PRR16: variants seen among roughly 807,000 people sequenced by gnomAD.
PRR16 encodes the protein protein Largen.
A neutral mutation model predicts 18.2 loss-of-function variants in PRR16; 6 were observed. The observed-to-expected ratio is 0.33, with a 90% CI of 0.18 to 0.65. PRR16 has a LOEUF of 0.65. PRR16 is among the 30% of genes least tolerant of loss of function. The pLI is 0.74. For missense variants in PRR16, 412 were observed against 376.6 expected (o/e 1.09, Z -0.78); for synonymous variants, 151 against 147.8 (o/e 1.02, Z -0.16).
At chr5:120,585,439 G>T (rs970811772) in intron 1 of PRR16, among the ~76,000 whole-genome samples, 7 of 151,742 alleles carry the variant, frequency 4.6e-5, no homozygotes, top group Admixed American at 6.6e-5. Context: ...GTGAAACCCC[G>T]CTTCTACTAA....
chr5:120,693,076 C>A, the PRR16 span, among the ~76,000 whole-genome samples: 1 of 152,088 alleles, frequency 6.6e-6, no homozygotes, highest in Non-Finnish European at 1.5e-5. Flanking sequence ...AATATCATGA[C>A]TTACTACAGA....
intron 1 of PRR16, among the ~76,000 whole-genome samples, chr5:120,562,700 C>T (rs145787132): frequency 6.6e-6 from 1 of 152,026 alleles, no homozygotes; most frequent in African/African-American, 2.4e-5. Flanking sequence ...TCTTATAACT[C>T]ATTATTTTAA....
intron 1 of PRR16, among the ~76,000 whole-genome samples, chr5:120,491,066 G>C (rs142997924): frequency 1.3e-5 from 2 of 152,026 alleles, no homozygotes; most frequent in Non-Finnish European, 1.5e-5. Flanking sequence ...TGCCCCTACT[G>C]GGGGGTGCCT....
intron 1 of PRR16, among the ~76,000 whole-genome samples, chr5:120,593,244 C>T (rs926255316): frequency 2.8e-4 from 42 of 151,502 alleles, no homozygotes; most frequent in Non-Finnish European, 4.4e-5. Flanking sequence ...TTTGAAAAAA[C>T]TAATAAGATA....
At chr5:120,791,988 A>G in the PRR16 span, among the ~76,000 whole-genome samples, 2 of 152,158 alleles carry the variant, frequency 1.3e-5, no homozygotes, top group African/African-American at 4.8e-5. Flanking sequence ...TCAAATTGCC[A>G]GTTCCTGTGA....
intron 1 of PRR16, among the ~76,000 whole-genome samples, chr5:120,522,710 A>G (rs1751225572): frequency 6.6e-6 from 1 of 152,122 alleles, no homozygotes; most frequent in South Asian, 2.1e-4. Context: ...GATTCACACC[A>G]TTCTCCTGCC....
chr5:120,659,253 A>G (rs538010569), intron 1 of PRR16, among the ~76,000 whole-genome samples: 1 of 152,024 alleles, frequency 6.6e-6, no homozygotes, highest in Admixed American at 6.6e-5. Flanking sequence ...TGTTGGCTAG[A>G]TTTCATTGTC....
At chr5:120,707,433 C>A in the PRR16 span, among the ~76,000 whole-genome samples, 3 of 152,176 alleles carry the variant, frequency 2.0e-5, no homozygotes, top group African/African-American at 7.2e-5. Context: ...CTTCTAGATA[C>A]TTTTGGAGAA....
chr5:120,705,709 A>G, the PRR16 span, among the ~76,000 whole-genome samples: 1 of 152,152 alleles, frequency 6.6e-6, no homozygotes, highest in South Asian at 2.1e-4. Flanking sequence ...ATCACTATGT[A>G]TATTTGAATG....
chr5:120,734,720 T>G, the PRR16 span, among the ~76,000 whole-genome samples: 121 of 152,316 alleles, frequency 7.9e-4, no homozygotes, highest in African/African-American at 2.9e-3. Flanking sequence ...CTGTAGTCCT[T>G]TTATTTGTCT....
chr5:120,725,009 A>G, the PRR16 span, among the ~76,000 whole-genome samples: 9 of 152,236 alleles, frequency 5.9e-5, no homozygotes, highest in Non-Finnish European at 1.3e-4. Context: ...TCATCCTTTT[A>G]TCTTGAAAAA....
At chr5:120,794,473 G>C in the PRR16 span, among the ~76,000 whole-genome samples, 2 of 152,082 alleles carry the variant, frequency 1.3e-5, no homozygotes, top group Non-Finnish European at 2.9e-5. Flanking sequence ...ATTATTATAT[G>C]TGTTATGGTA....
intron 1 of PRR16, among the ~76,000 whole-genome samples, chr5:120,585,678 T>C (rs974496609): frequency 1.3e-5 from 2 of 151,326 alleles, no homozygotes; most frequent in Non-Finnish European, 2.9e-5. Context: ...CCCTAGATAA[T>C]GTAGCTTAAT....
intron 1 of PRR16, among the ~76,000 whole-genome samples, chr5:120,610,321 CTTAAA>C (rs1374168226): frequency 1.3e-5 from 2 of 150,196 alleles, no homozygotes; most frequent in Admixed American, 6.6e-5. Flanking sequence ...TTAAATTATA[CTTAAA>C]TTAATATAAT....
chr5:120,741,671 G>C, the PRR16 span, among the ~76,000 whole-genome samples: 1 of 151,986 alleles, frequency 6.6e-6, no homozygotes, highest in African/African-American at 2.4e-5. Flanking sequence ...GCCCGATCAC[G>C]GCTCACTGCA....
chr5:120,732,978 T>C, the PRR16 span, among the ~76,000 whole-genome samples: 288 of 152,306 alleles, frequency 1.9e-3, 3 homozygotes, highest in South Asian at 0.013. Context: ...GCTATATGTT[T>C]GTTGAGACAA....
chr5:120,653,137 G>A (rs1420619652), intron 1 of PRR16, among the ~76,000 whole-genome samples: 3 of 151,808 alleles, frequency 2.0e-5, no homozygotes, highest in African/African-American at 7.3e-5. Context: ...ACTTGGGAGA[G>A]GAAAGTGACT....
At chr5:120,743,316 T>G in the PRR16 span, among the ~76,000 whole-genome samples, 1 of 152,304 alleles carries the variant, frequency 6.6e-6, no homozygotes. Context: ...AAATTTAGTT[T>G]TGAGAAGCTT....
intron 1 of PRR16, among the ~76,000 whole-genome samples, chr5:120,589,920 G>A (rs142185054): frequency 1.3e-5 from 2 of 152,164 alleles, no homozygotes; most frequent in African/African-American, 4.8e-5. Flanking sequence ...TTTGGAATTT[G>A]CTTGCCAAGA....
Sources: allele counts gnomAD v4.1 joint callset (sites outside exome capture counted in the v4.1 genomes callset), GRCh38; gene constraint gnomAD v4.1.1; transcripts MANE v1.5; gene names NCBI Gene and HGNC (gene_info 2026-07-23, HGNC 2026-07-21).